The following PCDH9 variants were observed in gnomAD, a reference collection of about 807,000 sequenced individuals.
PCDH9 encodes the protein protocadherin 9.
Under a neutral mutation model 70.6 loss-of-function variants are expected in PCDH9, and 24 were observed. That is an observed-to-expected ratio of 0.34 (90% CI 0.25 to 0.48). The LOEUF (loss-of-function observed/expected upper bound fraction) is 0.48, where lower values mean the gene tolerates loss of function less well. Ranked by LOEUF, PCDH9 falls within the 20% of genes least tolerant of loss-of-function variation. The probability of loss-of-function intolerance (pLI) is 0.99; values close to 1 mark genes in which losing one functional copy is unlikely to be tolerated. For synonymous variants in PCDH9, 562 were observed against 558.5 expected (o/e 1.01, Z -0.09); for missense variants, 1,281 against 1,503.6 (o/e 0.85, Z 2.45).
chr13:66,670,186 G>C (rs1349889464), intron 3 of PCDH9, among the ~76,000 whole-genome samples: 4 of 152,002 alleles, frequency 2.6e-5, no homozygotes, highest in Non-Finnish European at 4.4e-5. Flanking sequence ...TTCTGTGATG[G>C]AAATGTCTCT....
chr13:67,120,862 C>T (rs1027189399), intron 2 of PCDH9, among the ~76,000 whole-genome samples: 1 of 151,150 alleles, frequency 6.6e-6, no homozygotes, highest in Non-Finnish European at 1.5e-5. Flanking sequence ...AATAAAGAGC[C>T]AGTATATGTT....
intron 4 of PCDH9, among the ~76,000 whole-genome samples, chr13:66,330,848 T>C (rs1236414508): frequency 2.0e-5 from 3 of 152,210 alleles, no homozygotes; most frequent in African/African-American, 7.2e-5. Context: ...GCACAAGATC[T>C]TTCCTGAACT....
chr13:66,399,863 C>A (rs967081480), intron 4 of PCDH9, among the ~76,000 whole-genome samples: 2 of 151,938 alleles, frequency 1.3e-5, no homozygotes, highest in Non-Finnish European at 1.5e-5. Context: ...CCACCAAATA[C>A]CTGTTTATAT....
At chr13:66,648,373 A>G (rs2077801690) in intron 3 of PCDH9, among the ~76,000 whole-genome samples, 1 of 152,232 alleles carries the variant, frequency 6.6e-6, no homozygotes, top group Non-Finnish European at 1.5e-5. Context: ...GAGAGACTCC[A>G]TTTGTTCAGG....
At chr13:66,952,210 A>G (rs1201447815) in intron 2 of PCDH9, among the ~76,000 whole-genome samples, 3 of 152,156 alleles carry the variant, frequency 2.0e-5, no homozygotes, top group Admixed American at 1.3e-4. Context: ...CAAAAGCACA[A>G]TGCATTGTGG....
intron 4 of PCDH9, among the ~76,000 whole-genome samples, chr13:66,360,636 G>A (rs984501399): frequency 5.3e-5 from 8 of 152,066 alleles, no homozygotes; most frequent in East Asian, 3.9e-4. Flanking sequence ...AATGTGGCTT[G>A]AGTCTATTGT....
chr13:66,361,914 C>T (rs1375154049), intron 4 of PCDH9, among the ~76,000 whole-genome samples: 1 of 152,116 alleles, frequency 6.6e-6, no homozygotes, highest in African/African-American at 2.4e-5. Flanking sequence ...TCTTGGATTA[C>T]ACTAAAACTA....
chr13:66,775,510 C>G (rs1466476503), intron 3 of PCDH9, among the ~76,000 whole-genome samples: 1 of 152,120 alleles, frequency 6.6e-6, no homozygotes, highest in Non-Finnish European at 1.5e-5. Flanking sequence ...TCTGCCACCC[C>G]TGAGAGAGCA....
At position 67,088,099 on chromosome 13, in the gene PCDH9, ATT is replaced by A. The variant is rs34343096; in HGVS notation, c.3036+137304_3036+137305del. ...ATAGGGAATTTGGTCTATTTCATAGATTTTTTTTTTTTTTTATTCCCTGAGAT... is the reference window on the plus strand; with the variant it reads ...ATAGGGAATTTGGTCTATTTCATAGATTTTTTTTTTTTTATTCCCTGAGAT... On this transcript the variant is annotated intron_variant, in intron 2 of 4. Coordinates refer to ENST00000377865, the MANE Select transcript of PCDH9 (RefSeq NM_203487.3). Among the ~76,000 whole-genome samples, 482 of 146,564 alleles carry A rather than the reference ATT, an allele frequency of 3.3e-3. 1 individual carries two copies. The highest frequency in any genetic ancestry group is 0.025 in the East Asian group (124 of 4,998).
At chr13:66,648,119 C>G (rs2077797464) in intron 3 of PCDH9, among the ~76,000 whole-genome samples, 1 of 152,182 alleles carries the variant, frequency 6.6e-6, no homozygotes, top group Admixed American at 6.5e-5. Context: ...CTGCCTGGAG[C>G]CAAGATAAAC....
intron 2 of PCDH9, among the ~76,000 whole-genome samples, chr13:67,118,906 G>A (rs1447812729): frequency 6.6e-6 from 1 of 152,122 alleles, no homozygotes; most frequent in Non-Finnish European, 1.5e-5. Context: ...ATTTAAATTA[G>A]TTTATTTGCT....
At chr13:66,968,098 C>T (rs1566327468) in intron 2 of PCDH9, among the ~76,000 whole-genome samples, 1 of 152,042 alleles carries the variant, frequency 6.6e-6, no homozygotes, top group Non-Finnish European at 1.5e-5. Context: ...GCTTATATAA[C>T]TTCCAGTAAT....
intron 3 of PCDH9, among the ~76,000 whole-genome samples, chr13:66,858,573 C>T (rs953832683): frequency 5.9e-5 from 9 of 152,056 alleles, no homozygotes; most frequent in African/African-American, 1.9e-4. Flanking sequence ...CTTCTTCCTC[C>T]CCTTTTATTT....
chr13:66,694,360 T>C (rs2078529216), intron 3 of PCDH9, among the ~76,000 whole-genome samples: 1 of 152,176 alleles, frequency 6.6e-6, no homozygotes, highest in Non-Finnish European at 1.5e-5. Context: ...AGTTAATTTA[T>C]AAGGTCAGTT....
intron 3 of PCDH9, among the ~76,000 whole-genome samples, chr13:66,725,116 A>G (rs2078989086): frequency 6.6e-6 from 1 of 152,128 alleles, no homozygotes; most frequent in Admixed American, 6.6e-5. Flanking sequence ...TAAATGCTCC[A>G]TCACTCTGAT....
intron 2 of PCDH9, among the ~76,000 whole-genome samples, chr13:67,122,730 C>T (rs2086900467): frequency 6.6e-6 from 1 of 151,006 alleles, no homozygotes; most frequent in Non-Finnish European, 1.5e-5. Flanking sequence ...GCTGAGATCG[C>T]GCCACTGCAC....
rs78330469 is a variant in PCDH9 at position 67,047,027 on chromosome 13, A to G, written c.3037-143422T>C. On this transcript the variant is annotated intron_variant, in intron 2 of 4. Transcript: ENST00000377865. ...ATAAATGACTTGCCATTATGCCTGC[A>G]TAGTAAGAACAAGATATGTGTAAGA... Among the ~76,000 whole-genome samples, 548 of 152,338 alleles carry G rather than the reference A, an allele frequency of 3.6e-3. 2 individuals are homozygous for G. The highest frequency in any genetic ancestry group is 0.012 in the African/African-American group (502 of 41,576).
chr13:67,147,463 G>A (rs1026208086), intron 2 of PCDH9, among the ~76,000 whole-genome samples: 20 of 152,106 alleles, frequency 1.3e-4, no homozygotes, highest in Non-Finnish European at 2.8e-4. Context: ...AAACAGTCAG[G>A]GCCCAGTCTT....
chr13:66,582,966 T>C (rs1293931939), intron 4 of PCDH9, among the ~76,000 whole-genome samples: 2 of 152,136 alleles, frequency 1.3e-5, no homozygotes, highest in Non-Finnish European at 2.9e-5. Flanking sequence ...TTATCTCTCA[T>C]CTGGTTTAGA....
Sources: gnomAD v4.1 joint callset for allele counts (sites outside exome capture counted in the v4.1 genomes callset) on GRCh38, gnomAD v4.1.1 for gene constraint, MANE v1.5 for transcripts, NCBI Gene and HGNC (gene_info 2026-07-23, HGNC 2026-07-21) for gene names.